OSBPL10: variants seen among roughly 807,000 people sequenced by gnomAD.
The protein encoded by OSBPL10 is oxysterol-binding protein-related protein 10.
OSBPL10 carries 49 observed loss-of-function variants against 81.7 expected under a neutral mutation model. That is an observed-to-expected ratio of 0.60 (90% CI 0.48 to 0.76). The LOEUF (loss-of-function observed/expected upper bound fraction) is 0.76. OSBPL10 is among the 30% of genes least tolerant of loss of function. The pLI, the probability that OSBPL10 is intolerant of heterozygous loss-of-function variation, is 0.00. For synonymous variants in OSBPL10, 419 were observed against 383.6 expected, an observed-to-expected ratio of 1.09 and a Z score of -1.08; for missense variants, 923 against 987.8, an observed-to-expected ratio of 0.93 and a Z score of 0.88.
rs1250311603 is a variant in OSBPL10 at position 31,684,214 on chromosome 3, C to G, written c.1246-100G>C. The G allele has an allele frequency of 2.7e-6, 4 of 1,461,370 alleles. No homozygotes were observed. In the East Asian group the frequency reaches 6.9e-5, roughly 25 times the overall value. The allele number at this position is 1,461,370 out of a possible 1,614,324, so 90.5% of individuals were successfully genotyped here. A position where few individuals can be genotyped will look rare whatever the true frequency, so the allele number is the denominator to read the frequency against. On this transcript the variant is annotated intron_variant, in intron 7 of 11. Coordinates refer to ENST00000396556, the MANE Select transcript of OSBPL10 (RefSeq NM_017784.5). Reference sequence around the variant, plus strand: ...CAACCACTGTTAAGCAAATTCATAACATCTCCAGCCAGGGAGCAGTCTGTT... The same window carrying G: ...CAACCACTGTTAAGCAAATTCATAAGATCTCCAGCCAGGGAGCAGTCTGTT...
intron 4 of OSBPL10, among the ~76,000 whole-genome samples, chr3:31,826,212 T>C (rs192336877): frequency 1.0e-3 from 156 of 152,364 alleles, no homozygotes; most frequent in Middle Eastern, 0.01. Flanking sequence ...CACCAGATTG[T>C]AGCAAAAAGA....
rs369409136 is a variant in OSBPL10 at position 31,783,596 on chromosome 3, G to C, written c.730-35476C>G. Among the ~76,000 whole-genome samples the C allele has an allele frequency of 4.8e-4, 73 of 150,626 alleles. No individual in the cohort carries two copies. The East Asian group carries it at 0.012, about 24-fold the overall frequency. On this transcript the variant is annotated intron_variant, in intron 4 of 11. Transcript: ENST00000396556. Reference sequence around the variant, plus strand: ...ACTTGAGGTCAGGAGATCAAGACCAGCCTGGCCAACATGGTGAAATCCCGT... The same window carrying C: ...ACTTGAGGTCAGGAGATCAAGACCACCCTGGCCAACATGGTGAAATCCCGT...
Position 31,853,249 on chromosome 3 carries a change from A to G in OSBPL10, c.538-23018T>C, listed in dbSNP as rs190461901. Among the ~76,000 whole-genome samples, 382 of 152,272 alleles carry G rather than the reference A, an allele frequency of 2.5e-3. 1 individual carries two copies. Among genetic ancestry groups the G allele is most frequent in the African/African-American group, 8.6e-3 (359 of 41,556 alleles). On this transcript the variant is annotated intron_variant, in intron 3 of 11. Coordinates refer to ENST00000396556, the MANE Select transcript of OSBPL10 (RefSeq NM_017784.5). ...TAAAGAGGATTCAGAGGGAAGAAAG[A>G]TTGTGAAGGCAGGTGCCAACTAATT...
At chr3:31,923,899 T>A (rs1190557475) in intron 1 of OSBPL10, among the ~76,000 whole-genome samples, 2 of 152,124 alleles carry the variant, frequency 1.3e-5, no homozygotes, top group East Asian at 1.9e-4. Flanking sequence ...AATAGCTTAC[T>A]TTTCTGAAAA....
At chr3:31,749,787 C>G (rs566423298) in intron 4 of OSBPL10, among the ~76,000 whole-genome samples, 12 of 151,870 alleles carry the variant, frequency 7.9e-5, no homozygotes, top group African/African-American at 2.9e-4. Flanking sequence ...TGTGCTCCAG[C>G]CTGGGTGACA....
intron 6 of OSBPL10, among the ~76,000 whole-genome samples, chr3:31,712,895 G>A (rs1386732584): frequency 6.7e-6 from 1 of 149,562 alleles, no homozygotes; most frequent in Non-Finnish European, 1.5e-5. Context: ...TTGGCCAAAA[G>A]CCTTGGCACC....
chr3:31,674,593 AG>A (rs1700410105), intron 8 of OSBPL10, among the ~76,000 whole-genome samples: 2 of 53,866 alleles, frequency 3.7e-5, no homozygotes, highest in African/African-American at 4.2e-4. Context: ...TTAGATAGAT[AG>A]ATAGATAGAT....
chr3:31,731,779 G>A (rs4264766), intron 6 of OSBPL10, among the ~76,000 whole-genome samples: 68,651 of 151,688 alleles, frequency 0.45, 15,921 homozygotes, highest in East Asian at 0.62. Context: ...GAGCCACTGC[G>A]CCCGGCCAGG....
chr3:31,965,644 A>ATAT (rs1698340663), intron 1 of OSBPL10, among the ~76,000 whole-genome samples: 1 of 61,778 alleles, frequency 1.6e-5, no homozygotes, highest in African/African-American at 7.2e-5. Context: ...ATATTATATA[A>ATAT]ATTATATATT....
At chr3:32,011,840 A>G (rs980691615) in intron 2 of OSBPL10, among the ~76,000 whole-genome samples, 1 of 152,242 alleles carries the variant, frequency 6.6e-6, no homozygotes, top group African/African-American at 2.4e-5. Flanking sequence ...AAGAAAGGTT[A>G]TCAGTGATGG....
chr3:31,962,613 G>A (rs1698200903), intron 1 of OSBPL10, among the ~76,000 whole-genome samples: 1 of 151,962 alleles, frequency 6.6e-6, no homozygotes, highest in African/African-American at 2.4e-5. Context: ...TGATTCCAGG[G>A]GGCTTTTACC....
intron 3 of OSBPL10, among the ~76,000 whole-genome samples, chr3:31,835,557 C>T (rs1700342724): frequency 6.6e-6 from 1 of 152,116 alleles, no homozygotes; most frequent in Non-Finnish European, 1.5e-5. Flanking sequence ...ATTGTAACAA[C>T]ATTCAAATGA....
intron 3 of OSBPL10, among the ~76,000 whole-genome samples, chr3:31,851,156 A>C (rs1238137884): frequency 6.6e-6 from 1 of 152,244 alleles, no homozygotes; most frequent in African/African-American, 2.4e-5. Context: ...TTCAAAAATC[A>C]GATTCTAAAA....
intron 2 of OSBPL10, among the ~76,000 whole-genome samples, chr3:32,028,934 A>T (rs1699441665): frequency 8.2e-6 from 1 of 122,186 alleles, no homozygotes; most frequent in Non-Finnish European, 1.7e-5. Flanking sequence ...CAGGACACAC[A>T]CACACACACA....
At position 31,905,345 on chromosome 3, in the gene OSBPL10, ATTTT is replaced by A. The variant is rs386396290; in HGVS notation, c.282-25519_282-25516del. Among the ~76,000 whole-genome samples, 14 of 94,816 alleles carry A rather than the reference ATTTT, an allele frequency of 1.5e-4. 1 individual carries two copies. The East Asian group carries it at 1.9e-3, about 13-fold the overall frequency. 62.2% of individuals were successfully genotyped at this position (94,816 alleles called of 152,430 possible). On this transcript the variant is annotated intron_variant, in intron 1 of 11. Transcript: ENST00000396556. ...GAGCTCTATGTCAAGGAACCTGGTG[ATTTT>A]TTTTTTTTTTTTTTTTTTTAGACGG...
chr3:31,948,192 A>AGG (rs1164155675), intron 1 of OSBPL10, among the ~76,000 whole-genome samples: 6 of 152,218 alleles, frequency 3.9e-5, no homozygotes, highest in African/African-American at 1.4e-4. Flanking sequence ...GGATCTGTGC[A>AGG]GGGCACCAGC....
intron 4 of OSBPL10, among the ~76,000 whole-genome samples, chr3:31,807,566 T>C: frequency 7.5e-6 from 1 of 132,986 alleles, no homozygotes; most frequent in Admixed American, 7.6e-5. Flanking sequence ...CAAGACCACA[T>C]CTCTACAAAA....
At chr3:32,049,906 C>T (rs941701383) in intron 1 of OSBPL10, among the ~76,000 whole-genome samples, 2 of 152,170 alleles carry the variant, frequency 1.3e-5, no homozygotes, top group African/African-American at 4.8e-5. Context: ...TTCCCCACCT[C>T]GCTGCAGTCA....
intron 3 of OSBPL10, among the ~76,000 whole-genome samples, chr3:31,837,925 A>C (rs1700400364): frequency 6.6e-6 from 1 of 152,212 alleles, no homozygotes; most frequent in Admixed American, 6.5e-5. Flanking sequence ...TGGATGAGAC[A>C]ACTTAATGTT....
Sources: allele counts gnomAD v4.1 joint callset (sites outside exome capture counted in the v4.1 genomes callset), GRCh38; gene constraint gnomAD v4.1.1; transcripts MANE v1.5; gene names NCBI Gene and HGNC (gene_info 2026-07-23, HGNC 2026-07-21).